The following CADPS2 variants were observed in gnomAD, a reference collection of about 807,000 sequenced individuals.
CADPS2 encodes the protein calcium-dependent secretion activator 2.
A neutral mutation model predicts 172.5 loss-of-function variants in CADPS2; 93 were observed. The observed-to-expected ratio is 0.54, with a 90% CI of 0.46 to 0.64. The LOEUF is 0.64. Among genes scored for constraint, CADPS2 ranks in the 30% least tolerant of loss-of-function variants. The pLI is 0.00. For missense variants in CADPS2, 1,420 were observed against 1,565.9 expected, an observed-to-expected ratio of 0.91 and a Z score of 1.57; for synonymous variants, 546 against 555.2, an observed-to-expected ratio of 0.98 and a Z score of 0.23.
chr7:122,812,439 G>A (rs1750697209), intron 1 of CADPS2, among the ~76,000 whole-genome samples: 1 of 150,742 alleles, frequency 6.6e-6, no homozygotes, highest in Admixed American at 6.6e-5. Context: ...GAGAGAGAGA[G>A]CAAGCAAAGA....
intron 1 of CADPS2, among the ~76,000 whole-genome samples, chr7:122,824,579 G>A (rs958816877): frequency 6.6e-6 from 1 of 152,056 alleles, no homozygotes; most frequent in Non-Finnish European, 1.5e-5. Flanking sequence ...TCTTTATTTA[G>A]TTATTACATC....
intron 1 of CADPS2, among the ~76,000 whole-genome samples, chr7:122,842,138 A>T (rs1810713008): frequency 6.6e-6 from 1 of 152,180 alleles, no homozygotes. Context: ...TGGCTCAGGA[A>T]CACGGCCCAC....
In CADPS2 at chr7:122,725,099, T is replaced by C. The variant is rs537258060; in HGVS notation, c.453+11856A>G. ...ATATTTTGAGAGAGCTGCAGTGGAATGTAATGTGATATGAAAATATATGTG... is the reference window on the plus strand; with the variant it reads ...ATATTTTGAGAGAGCTGCAGTGGAACGTAATGTGATATGAAAATATATGTG... On this transcript the variant is annotated intron_variant, in intron 2 of 29. Coordinates refer to ENST00000449022, the MANE Select transcript of CADPS2 (RefSeq NM_017954.11). Among the ~76,000 whole-genome samples, 261 of 152,134 alleles carry C rather than the reference T, an allele frequency of 1.7e-3. 1 individual carries two copies. Among genetic ancestry groups the C allele is most frequent in the Non-Finnish European group, 2.9e-3 (200 of 67,984 alleles).
intron 1 of CADPS2, among the ~76,000 whole-genome samples, chr7:122,812,586 G>A (rs1197627131): frequency 6.6e-6 from 1 of 151,970 alleles, no homozygotes; most frequent in Non-Finnish European, 1.5e-5. Context: ...AATAGGTACT[G>A]GAATTCATTT....
At chr7:122,365,243 T>C (rs991603456) in intron 25 of CADPS2, among the ~76,000 whole-genome samples, 2 of 152,178 alleles carry the variant, frequency 1.3e-5, no homozygotes. Context: ...GAGTCTTTCC[T>C]CAGCTTCCTC....
chr7:122,435,872 G>A (rs1277907120), intron 17 of CADPS2, among the ~76,000 whole-genome samples: 2 of 152,032 alleles, frequency 1.3e-5, no homozygotes, highest in Non-Finnish European at 2.9e-5. Context: ...GCCAGTCACA[G>A]TACATAATAA....
At chr7:122,407,303 C>T (rs969727739) in intron 20 of CADPS2, among the ~76,000 whole-genome samples, 9 of 152,188 alleles carry the variant, frequency 5.9e-5, no homozygotes, top group African/African-American at 1.7e-4. Context: ...GGTTATCAGA[C>T]TTCAGTGAAG....
At chr7:122,614,832 C>A (rs1344421070) in intron 6 of CADPS2, among the ~76,000 whole-genome samples, 3 of 152,174 alleles carry the variant, frequency 2.0e-5, no homozygotes, top group South Asian at 4.1e-4. Flanking sequence ...GGCTATTATA[C>A]AATTCTCAGA....
rs201089082 is a variant in CADPS2 at position 122,612,428 on chromosome 7, ACAATT to A, written c.1223+2748_1223+2752del. Among the ~76,000 whole-genome samples the A allele has an allele frequency of 3.9e-5, 6 of 152,106 alleles. No individual in the cohort carries two copies. The East Asian group carries it at 1.2e-3, about 29-fold the overall frequency. On this transcript the variant is annotated intron_variant, in intron 6 of 29. Coordinates refer to ENST00000449022, the MANE Select transcript of CADPS2 (RefSeq NM_017954.11). Reference sequence around the variant, plus strand: ...ATGATTTAAAGATAAAATTAAGAAAACAATTCAACTCAAAATAGCATAAAAAAGAA... The same window carrying A: ...ATGATTTAAAGATAAAATTAAGAAAACAACTCAAAATAGCATAAAAAAGAA...
At chr7:122,715,221 A>T (rs186667130) in intron 2 of CADPS2, among the ~76,000 whole-genome samples, 4 of 152,226 alleles carry the variant, frequency 2.6e-5, no homozygotes. Flanking sequence ...CTGAGTTTTC[A>T]TACCGATATA....
chr7:122,843,056 A>G (rs1460110316), intron 1 of CADPS2, among the ~76,000 whole-genome samples: 1 of 152,174 alleles, frequency 6.6e-6, no homozygotes, highest in Non-Finnish European at 1.5e-5. Context: ...CTTTAATCTC[A>G]TATAATTAAA....
chr7:122,636,456 A>G (rs1179930311), intron 3 of CADPS2, among the ~76,000 whole-genome samples: 1 of 131,852 alleles, frequency 7.6e-6, no homozygotes, highest in Non-Finnish European at 1.6e-5. Flanking sequence ...GGTTTCCACA[A>G]GAGATGTTTT....
chr7:122,476,675 AACAG>A (rs2056653713), intron 12 of CADPS2, among the ~76,000 whole-genome samples: 2 of 152,262 alleles, frequency 1.3e-5, no homozygotes, highest in East Asian at 1.9e-4. Context: ...ACTCGGAAAA[AACAG>A]ACAGGCAAAC....
chr7:122,587,127 T>C (rs2069841037), intron 6 of CADPS2, among the ~76,000 whole-genome samples: 1 of 152,000 alleles, frequency 6.6e-6, no homozygotes, highest in African/African-American at 2.4e-5. Context: ...TTATTTTTAG[T>C]TCTGGGGTAC....
intron 8 of CADPS2, among the ~76,000 whole-genome samples, chr7:122,541,737 TCATATATTTA>T (rs1463135701): frequency 6.9e-6 from 1 of 145,318 alleles, no homozygotes; most frequent in Non-Finnish European, 1.5e-5. Flanking sequence ...ATATATTTAT[TCATATATTTA>T]CATATATTCA....
At chr7:122,773,119 T>C (rs1373589593) in intron 1 of CADPS2, among the ~76,000 whole-genome samples, 2 of 152,106 alleles carry the variant, frequency 1.3e-5, no homozygotes, top group Admixed American at 1.3e-4. Context: ...CCAATTGTTC[T>C]AGTAATGAAA....
intron 1 of CADPS2, among the ~76,000 whole-genome samples, chr7:122,777,236 C>A (rs2093912155): frequency 1.3e-5 from 2 of 152,028 alleles, no homozygotes; most frequent in South Asian, 4.2e-4. Flanking sequence ...ATAAAAGGAA[C>A]CTAAAAGTAG....
chr7:122,556,753 T>C (rs1388554625), intron 7 of CADPS2, among the ~76,000 whole-genome samples: 1 of 152,182 alleles, frequency 6.6e-6, no homozygotes, highest in Non-Finnish European at 1.5e-5. Flanking sequence ...CACTGAGTTC[T>C]TACTATGTGA....
intron 2 of CADPS2, among the ~76,000 whole-genome samples, chr7:122,674,101 G>A (rs975224020): frequency 5.3e-5 from 8 of 152,132 alleles, no homozygotes; most frequent in African/African-American, 9.7e-5. Context: ...CGGGGCCAGC[G>A]GTGCTGGCTG....
Sources: allele counts gnomAD v4.1 joint callset (sites outside exome capture counted in the v4.1 genomes callset), GRCh38; gene constraint gnomAD v4.1.1; transcripts MANE v1.5; gene names NCBI Gene and HGNC (gene_info 2026-07-23, HGNC 2026-07-21).